The following SLC25A12 variants were observed in gnomAD, a reference collection of about 807,000 sequenced individuals.
SLC25A12 encodes solute carrier family 25 member 12.
SLC25A12 carries 32 observed loss-of-function variants against 83.3 expected under a neutral mutation model. The observed-to-expected ratio is 0.38, with a 90% CI of 0.29 to 0.52. SLC25A12 has a LOEUF of 0.52. Among genes scored for constraint, SLC25A12 ranks in the 20% least tolerant of loss-of-function variants. The probability of loss-of-function intolerance (pLI) is 0.84; values close to 1 mark genes in which losing one functional copy is unlikely to be tolerated. For synonymous variants in SLC25A12, 267 were observed against 291.1 expected (o/e 0.92, Z 0.84); for missense variants, 611 against 835.6 (o/e 0.73, Z 3.31).
intron 4 of SLC25A12, among the ~76,000 whole-genome samples, chr2:171,846,476 T>C (rs1218394967): frequency 2.0e-5 from 3 of 152,112 alleles, no homozygotes; most frequent in African/African-American, 7.2e-5. Context: ...AAGTCCAAAA[T>C]GCAAAAGCGT....
At chr2:171,797,417 A>G (rs909952851) in intron 13 of SLC25A12, among the ~76,000 whole-genome samples, 1 of 152,206 alleles carries the variant, frequency 6.6e-6, no homozygotes, top group Non-Finnish European at 1.5e-5. Flanking sequence ...GTTTCTCAAA[A>G]CCCAAGTGGC....
chr2:171,844,517 G>T lies in SLC25A12; in HGVS notation c.326-9C>A, dbSNP rs1481818141. On this transcript the variant is annotated splice_polypyrimidine_tract_variant and intron_variant, in intron 4 of 17. Coordinates refer to ENST00000422440, the MANE Select transcript of SLC25A12 (RefSeq NM_003705.5). Reference sequence around the variant, plus strand: ...AATTTCTTTGACATTTTCTTAAAAGGGAAAACAAAAATAAATCAATTATAT... The same window carrying T: ...AATTTCTTTGACATTTTCTTAAAAGTGAAAACAAAAATAAATCAATTATAT... 1 of 1,535,026 alleles carries T rather than the reference G, an allele frequency of 6.5e-7. No homozygotes were observed. The highest frequency in any genetic ancestry group is 1.7e-5 in the Admixed American group (1 of 59,838).
chr2:171,847,228 A>G (rs1294433846), intron 4 of SLC25A12, among the ~76,000 whole-genome samples: 2 of 152,148 alleles, frequency 1.3e-5, no homozygotes, highest in Admixed American at 6.5e-5. Flanking sequence ...GATGTATTCT[A>G]CTTCTCTTCT....
At chr2:171,813,003 A>G (rs1471853781) in intron 11 of SLC25A12, among the ~76,000 whole-genome samples, 1 of 152,196 alleles carries the variant, frequency 6.6e-6, no homozygotes, top group African/African-American at 2.4e-5. Flanking sequence ...AAGCAGCTCT[A>G]TATTTCTTAA....
chr2:171,838,077 C>T (rs3821093), intron 5 of SLC25A12, among the ~76,000 whole-genome samples: 31,942 of 152,068 alleles, frequency 0.21, 4,146 homozygotes, highest in East Asian at 0.57. Flanking sequence ...TGCAAAAAAC[C>T]TGTTAGCAAA....
At position 171,885,203 on chromosome 2, in the gene SLC25A12, GGTA is replaced by G. The variant is rs1685791738; in HGVS notation, c.66+7999_66+8001del. On this transcript the variant is annotated intron_variant, in intron 2 of 17. Coordinates refer to ENST00000422440, the MANE Select transcript of SLC25A12 (RefSeq NM_003705.5). ...AAAAAAAAAAAAAAGTGTATTGATT[GGTA>G]GTAGAACATCACATGGCATTTAATA... Among the ~76,000 whole-genome samples the G allele has an allele frequency of 2.0e-5, 3 of 149,866 alleles. No individual in the cohort carries two copies. In the South Asian group the frequency reaches 6.3e-4, roughly 31 times the overall value.
chr2:171,807,536 A>G (rs1683859453), intron 13 of SLC25A12, among the ~76,000 whole-genome samples: 1 of 152,254 alleles, frequency 6.6e-6, no homozygotes, highest in African/African-American at 2.4e-5. Flanking sequence ...GCTACATGGA[A>G]CAGAAAGAGC....
intron 4 of SLC25A12, among the ~76,000 whole-genome samples, chr2:171,849,806 T>C (rs1382684448): frequency 1.3e-5 from 2 of 152,058 alleles, no homozygotes; most frequent in Admixed American, 1.3e-4. Context: ...TCCACCCGCC[T>C]CGGCCTCCCA....
chr2:171,813,293 G>A (rs1334417155), intron 11 of SLC25A12, 46 bp downstream of exon 11: 6 of 1,604,866 alleles, frequency 3.7e-6, no homozygotes, highest in Non-Finnish European at 5.1e-6. Flanking sequence ...TCTGCTGCTG[G>A]TGAGATCAAA....
rs965329404 is a variant in SLC25A12 at position 171,800,754 on chromosome 2, C to G, written c.1306-6987G>C. ...ATAAACAAATTGTGGTAAATTCGTACGATGAAATACTACTCAGCAAAATTT... is the reference window on the plus strand; with the variant it reads ...ATAAACAAATTGTGGTAAATTCGTAGGATGAAATACTACTCAGCAAAATTT... On this transcript the variant is annotated intron_variant, in intron 13 of 17. Transcript: ENST00000422440. 2.6e-5 allele frequency among the ~76,000 whole-genome samples: 4 copies of G among 152,128 alleles called. No individual in the cohort carries two copies. In the East Asian group the frequency reaches 7.7e-4, roughly 29 times the overall value.
chr2:171,800,079 G>A (rs1435119659), intron 13 of SLC25A12, among the ~76,000 whole-genome samples: 1 of 152,082 alleles, frequency 6.6e-6, no homozygotes, highest in African/African-American at 2.4e-5. Context: ...AATTTGAAAA[G>A]ATATTTAAAT....
At chr2:171,787,273 C>G (rs1014383527) in intron 17 of SLC25A12, among the ~76,000 whole-genome samples, 1 of 151,998 alleles carries the variant, frequency 6.6e-6, no homozygotes, top group African/African-American at 2.4e-5. Context: ...TACGGTGAGC[C>G]AAGAACATGC....
chr2:171,889,421 C>T (rs1297935007), intron 2 of SLC25A12, among the ~76,000 whole-genome samples: 1 of 152,158 alleles, frequency 6.6e-6, no homozygotes, highest in East Asian at 1.9e-4. Context: ...CAGCCATCAA[C>T]CACTCTAGGT....
intron 11 of SLC25A12, among the ~76,000 whole-genome samples, chr2:171,812,247 T>C (rs994399062): frequency 2.0e-5 from 3 of 152,170 alleles, no homozygotes; most frequent in African/African-American, 7.2e-5. Context: ...AATTATGAGT[T>C]TATCGGAGTT....
intron 5 of SLC25A12, among the ~76,000 whole-genome samples, chr2:171,839,149 C>G (rs1230024056): frequency 6.6e-6 from 1 of 152,144 alleles, no homozygotes; most frequent in African/African-American, 2.4e-5. Flanking sequence ...AAACACTAAT[C>G]AGGCAGACAT....
chr2:171,864,463 C>T (rs990871898), intron 3 of SLC25A12, among the ~76,000 whole-genome samples: 1 of 152,174 alleles, frequency 6.6e-6, no homozygotes, highest in Non-Finnish European at 1.5e-5. Flanking sequence ...CACTACCAGG[C>T]TAAAAATACC....
At chr2:171,804,037 A>G (rs772707113) in intron 13 of SLC25A12, among the ~76,000 whole-genome samples, 2 of 152,204 alleles carry the variant, frequency 1.3e-5, no homozygotes, top group Non-Finnish European at 2.9e-5. Flanking sequence ...TTATATACCA[A>G]TATTCATAGC....
At chr2:171,890,710 T>C (rs1012753853) in intron 2 of SLC25A12, among the ~76,000 whole-genome samples, 1 of 152,180 alleles carries the variant, frequency 6.6e-6, no homozygotes, top group Non-Finnish European at 1.5e-5. Context: ...CTTGAACTCC[T>C]GGGCTCAAGT....
chr2:171,849,638 A>G (rs1684877799), intron 4 of SLC25A12, among the ~76,000 whole-genome samples: 1 of 140,940 alleles, frequency 7.1e-6, no homozygotes. Flanking sequence ...ATCTCAGCTC[A>G]CTGACCTCAG....
Sources: allele counts gnomAD v4.1 joint callset (sites outside exome capture counted in the v4.1 genomes callset), GRCh38; gene constraint gnomAD v4.1.1; transcripts MANE v1.5; gene names NCBI Gene and HGNC (gene_info 2026-07-23, HGNC 2026-07-21).